Variants in PPM1L observed in about 807,000 individuals in gnomAD.
The protein encoded by PPM1L is protein phosphatase 1L.
Under a neutral mutation model 31.4 loss-of-function variants are expected in PPM1L, and 13 were observed. The ratio of observed to expected loss-of-function variants is 0.41; its 90% CI spans 0.27 to 0.66. The LOEUF is 0.66. Among genes scored for constraint, PPM1L ranks in the 30% least tolerant of loss-of-function variants. The pLI is 0.29. For missense variants in PPM1L, 326 were observed against 453.7 expected, an observed-to-expected ratio of 0.72 and a Z score of 2.56; for synonymous variants, 184 against 175.4, an observed-to-expected ratio of 1.05 and a Z score of -0.39.
intron 1 of PPM1L, among the ~76,000 whole-genome samples, chr3:160,845,505 A>G (rs1714049702): frequency 2.6e-5 from 4 of 151,760 alleles, no homozygotes; most frequent in South Asian, 2.1e-4. Context: ...TTGAAGCTCA[A>G]TTTCTCTATT....
chr3:160,944,783 T>TA (rs538803998), intron 1 of PPM1L, among the ~76,000 whole-genome samples: 1 of 52,576 alleles, frequency 1.9e-5, no homozygotes, highest in African/African-American at 5.7e-5. Context: ...ATATATTATA[T>TA]TATATATGTT....
intron 1 of PPM1L, among the ~76,000 whole-genome samples, chr3:160,837,959 C>G (rs1362209967): frequency 6.6e-6 from 1 of 152,022 alleles, no homozygotes; most frequent in African/African-American, 2.4e-5. Context: ...TGTAGCCAGC[C>G]CTTGGTGTGG....
At chr3:160,844,117 T>A (rs1036474143) in intron 1 of PPM1L, among the ~76,000 whole-genome samples, 2 of 152,218 alleles carry the variant, frequency 1.3e-5, no homozygotes, top group Non-Finnish European at 2.9e-5. Context: ...CCTCTGCCAC[T>A]CACCACTTAG....
At chr3:160,789,768 T>C (rs1712044892) in intron 1 of PPM1L, among the ~76,000 whole-genome samples, 1 of 152,076 alleles carries the variant, frequency 6.6e-6, no homozygotes, top group Non-Finnish European at 1.5e-5. Context: ...GTAGATCTTC[T>C]GATATCGAAC....
At chr3:160,921,771 C>A (rs1285837644) in intron 1 of PPM1L, among the ~76,000 whole-genome samples, 1 of 152,146 alleles carries the variant, frequency 6.6e-6, no homozygotes, top group African/African-American at 2.4e-5. Flanking sequence ...TACATACTTA[C>A]ACTTAACTTT....
intron 2 of PPM1L, among the ~76,000 whole-genome samples, chr3:161,041,546 C>T (rs549588361): frequency 3.9e-5 from 6 of 152,124 alleles, no homozygotes; most frequent in East Asian, 1.9e-4. Context: ...GTCAGGAGAT[C>T]GAGACCATCC....
intron 1 of PPM1L, among the ~76,000 whole-genome samples, chr3:160,928,902 G>C (rs1453612302): frequency 1.3e-5 from 2 of 152,094 alleles, no homozygotes; most frequent in South Asian, 4.1e-4. Flanking sequence ...TCACTCTGTC[G>C]TATATTGTTA....
chr3:160,880,092 T>C (rs894783233), intron 1 of PPM1L, among the ~76,000 whole-genome samples: 2 of 152,158 alleles, frequency 1.3e-5, no homozygotes, highest in Non-Finnish European at 2.9e-5. Flanking sequence ...GAGCATGCCC[T>C]TTTCTATAAT....
intron 2 of PPM1L, among the ~76,000 whole-genome samples, chr3:161,030,347 T>C (rs1322714223): frequency 1.3e-5 from 2 of 152,118 alleles, no homozygotes. Context: ...TGTTTGTTCG[T>C]TTATTAATTT....
In PPM1L at chr3:160,942,232, C is replaced by T. The variant is rs149487310; in HGVS notation, c.400-19504C>T. ...GTAGTCAGGAAAAACTCCTTGGCGACTGCTTTTTTCATTCCTGTACATTGG... is the reference window on the plus strand; with the variant it reads ...GTAGTCAGGAAAAACTCCTTGGCGATTGCTTTTTTCATTCCTGTACATTGG... On this transcript the variant is annotated intron_variant, in intron 1 of 3. Coordinates refer to ENST00000498165, the MANE Select transcript of PPM1L (RefSeq NM_139245.4). 1.7e-3 allele frequency among the ~76,000 whole-genome samples: 266 copies of T among 152,260 alleles called. 1 individual carries two copies. The highest frequency in any genetic ancestry group is 6.8e-3 in the Middle Eastern group (2 of 294).
intron 2 of PPM1L, among the ~76,000 whole-genome samples, chr3:160,971,138 A>G (rs1304088464): frequency 6.6e-6 from 1 of 152,188 alleles, no homozygotes; most frequent in East Asian, 1.9e-4. Context: ...GTTGTTTGAA[A>G]GTACCGAAAC....
At chr3:160,830,039 A>G (rs958074243) in intron 1 of PPM1L, among the ~76,000 whole-genome samples, 3 of 152,176 alleles carry the variant, frequency 2.0e-5, no homozygotes, top group African/African-American at 7.2e-5. Flanking sequence ...GCAGTTGAGA[A>G]AACAAGAAGA....
chr3:160,860,572 G>C lies in PPM1L; in HGVS notation c.400-101164G>C, dbSNP rs936550367. 2.0e-5 allele frequency among the ~76,000 whole-genome samples: 3 copies of C among 152,184 alleles called. No homozygotes were observed. In the East Asian group the frequency reaches 5.8e-4, roughly 29 times the overall value. On this transcript the variant is annotated intron_variant, in intron 1 of 3. Transcript: ENST00000498165. Reference sequence around the variant, plus strand: ...ATTGCACAGGAAATTGCAGATTTAGGATTAGCACTTAGACAGTGGAATCCC... The same window carrying C: ...ATTGCACAGGAAATTGCAGATTTAGCATTAGCACTTAGACAGTGGAATCCC...
At chr3:160,989,240 A>G (rs1179659701) in intron 2 of PPM1L, among the ~76,000 whole-genome samples, 2 of 152,146 alleles carry the variant, frequency 1.3e-5, no homozygotes, top group Non-Finnish European at 2.9e-5. Flanking sequence ...TATAAAACCA[A>G]CATGATAATT....
At chr3:160,794,561 C>T (rs555962773) in intron 1 of PPM1L, among the ~76,000 whole-genome samples, 2 of 152,290 alleles carry the variant, frequency 1.3e-5, no homozygotes, top group East Asian at 3.9e-4. Flanking sequence ...AAGGAAGTAT[C>T]ATTTGTAACT....
intron 1 of PPM1L, among the ~76,000 whole-genome samples, chr3:160,796,956 C>T (rs1239131883): frequency 6.6e-6 from 1 of 152,222 alleles, no homozygotes; most frequent in South Asian, 2.1e-4. Context: ...TGTCACACCA[C>T]TCTCCCATGC....
intron 1 of PPM1L, among the ~76,000 whole-genome samples, chr3:160,916,575 T>G (rs1214122944): frequency 6.6e-6 from 1 of 152,148 alleles, no homozygotes; most frequent in Admixed American, 6.5e-5. Flanking sequence ...ATCTCAGATT[T>G]CAAAAAGGAT....
At chr3:160,845,451 A>AT (rs1472611488) in intron 1 of PPM1L, among the ~76,000 whole-genome samples, 2 of 151,930 alleles carry the variant, frequency 1.3e-5, no homozygotes, top group Non-Finnish European at 2.9e-5. Context: ...TTGTGTTTTC[A>AT]TCTTCTTGAT....
At chr3:160,924,258 C>G (rs1177921161) in intron 1 of PPM1L, among the ~76,000 whole-genome samples, 2 of 152,126 alleles carry the variant, frequency 1.3e-5, no homozygotes, top group Non-Finnish European at 2.9e-5. Context: ...CCCAGCTATA[C>G]CAGCTTGAAG....
Sources: gnomAD v4.1 joint callset for allele counts (sites outside exome capture counted in the v4.1 genomes callset) on GRCh38, gnomAD v4.1.1 for gene constraint, MANE v1.5 for transcripts, NCBI Gene and HGNC (gene_info 2026-07-23, HGNC 2026-07-21) for gene names.